The following RAB3GAP2 variants were observed in gnomAD, a reference collection of about 807,000 sequenced individuals.
RAB3GAP2 encodes the protein RAB3 GTPase activating non-catalytic protein subunit 2, also known as rab3 GTPase-activating protein non-catalytic subunit.
A neutral mutation model predicts 185.3 loss-of-function variants in RAB3GAP2; 87 were observed. The observed-to-expected ratio is 0.47, with a 90% CI of 0.39 to 0.56. The LOEUF (loss-of-function observed/expected upper bound fraction) is 0.56, where lower values mean the gene tolerates loss of function less well. RAB3GAP2 is among the 20% of genes least tolerant of loss of function. RAB3GAP2 has a pLI of 0.00. For missense variants in RAB3GAP2, 1,492 were observed against 1,638.2 expected (o/e 0.91, Z 1.54); for synonymous variants, 554 against 576.1 (o/e 0.96, Z 0.55).
intron 1 of RAB3GAP2, among the ~76,000 whole-genome samples, chr1:220,245,475 C>A (rs545448573): frequency 6.6e-6 from 1 of 152,202 alleles, no homozygotes; most frequent in South Asian, 2.1e-4. Context: ...TAAAAAACGG[C>A]GCACCACGAG....
At chr1:220,248,488 T>TA in intron 1 of RAB3GAP2, among the ~76,000 whole-genome samples, 1 of 151,984 alleles carries the variant, frequency 6.6e-6, no homozygotes, top group Non-Finnish European at 1.5e-5. Context: ...TATACTTCAA[T>TA]AAAGCTAGGG....
At chr1:220,262,330 CA>C (rs916746274) in intron 1 of RAB3GAP2, among the ~76,000 whole-genome samples, 1 of 149,964 alleles carries the variant, frequency 6.7e-6, no homozygotes, top group South Asian at 2.1e-4. Context: ...AACAAACAAA[CA>C]AAAAAACATA....
chr1:220,174,288 T>C (rs550054754), intron 21 of RAB3GAP2, among the ~76,000 whole-genome samples: 16 of 152,160 alleles, frequency 1.1e-4, no homozygotes, highest in African/African-American at 3.6e-4. Context: ...GCACACTCTT[T>C]AATGCCTTCT....
intron 2 of RAB3GAP2, among the ~76,000 whole-genome samples, chr1:220,230,145 G>A (rs552262362): frequency 2.6e-5 from 4 of 152,244 alleles, no homozygotes; most frequent in African/African-American, 7.2e-5. Flanking sequence ...CCAGGAGGCA[G>A]CAATAATATA....
chr1:220,184,911 G>C (rs1014262669), intron 18 of RAB3GAP2, among the ~76,000 whole-genome samples: 2 of 151,868 alleles, frequency 1.3e-5, no homozygotes, highest in African/African-American at 4.8e-5. Flanking sequence ...AAAAAAAAAG[G>C]TTGAAAAAGA....
At chr1:220,177,297 A>T (rs573137070) in intron 21 of RAB3GAP2, among the ~76,000 whole-genome samples, 2 of 152,240 alleles carry the variant, frequency 1.3e-5, no homozygotes, top group Admixed American at 1.3e-4. Context: ...AGGGAACATG[A>T]AAGTCAGTCA....
In RAB3GAP2 at chr1:220,157,799, T is replaced by C; in HGVS notation, c.3336+3A>G. ...TTCAGAATGAAAAATACACCTCTTT[T>C]ACCTCCATTAAGATCTGAAGAAGAT... is the stretch of plus-strand genomic sequence containing the variant. On this transcript the variant is annotated splice_donor_region_variant and intron_variant, in intron 30 of 34. Transcript: ENST00000358951. The C allele has an allele frequency of 6.2e-7, 1 of 1,605,588 alleles. No individual in the cohort carries two copies. Among genetic ancestry groups the C allele is most frequent in the Non-Finnish European group, 8.5e-7 (1 of 1,172,336 alleles).
intron 31 of RAB3GAP2, among the ~76,000 whole-genome samples, chr1:220,155,484 C>G (rs575193662): frequency 1.3e-5 from 2 of 152,304 alleles, no homozygotes; most frequent in South Asian, 4.1e-4. Context: ...ATCTGTTACT[C>G]GATAGTTCCC....
chr1:220,236,875 T>A (rs980715207), intron 1 of RAB3GAP2, among the ~76,000 whole-genome samples: 2 of 152,196 alleles, frequency 1.3e-5, no homozygotes, highest in Non-Finnish European at 2.9e-5. Flanking sequence ...ATGTTCAACA[T>A]AACTTTGAGA....
intron 8 of RAB3GAP2, among the ~76,000 whole-genome samples, chr1:220,204,219 T>C (rs1658915171): frequency 6.6e-6 from 1 of 152,180 alleles, no homozygotes; most frequent in Non-Finnish European, 1.5e-5. Flanking sequence ...GTTGGTATGA[T>C]TGGCAAAAAT....
At chr1:220,220,081 C>A (rs1051101742) in intron 2 of RAB3GAP2, among the ~76,000 whole-genome samples, 2 of 152,176 alleles carry the variant, frequency 1.3e-5, no homozygotes, top group African/African-American at 2.4e-5. Context: ...ATTTCCCAAG[C>A]CACGCCTGAA....
chr1:220,252,158 A>G (rs1301069887), intron 1 of RAB3GAP2, among the ~76,000 whole-genome samples: 3 of 151,084 alleles, frequency 2.0e-5, no homozygotes, highest in Non-Finnish European at 4.4e-5. Context: ...AAAAGAAAAA[A>G]AAAAAAAAAA....
At chr1:220,208,881 T>TA (rs1466464429) in intron 7 of RAB3GAP2, among the ~76,000 whole-genome samples, 2 of 152,216 alleles carry the variant, frequency 1.3e-5, no homozygotes, top group African/African-American at 4.8e-5. Flanking sequence ...CATGCCCGGC[T>TA]AATTTTTTGT....
intron 1 of RAB3GAP2, among the ~76,000 whole-genome samples, chr1:220,265,822 G>T (rs971971960): frequency 2.6e-5 from 4 of 152,038 alleles, no homozygotes; most frequent in African/African-American, 9.7e-5. Context: ...CAACACAGGA[G>T]ACTGAGGTGG....
At chr1:220,214,795 T>G (rs1442222398) in intron 2 of RAB3GAP2, among the ~76,000 whole-genome samples, 2 of 151,514 alleles carry the variant, frequency 1.3e-5, no homozygotes, top group African/African-American at 2.4e-5. Flanking sequence ...TATAAAAAGG[T>G]GTTCTTTGAA....
At chr1:220,237,681 T>C (rs1006354209) in intron 1 of RAB3GAP2, among the ~76,000 whole-genome samples, 4 of 152,218 alleles carry the variant, frequency 2.6e-5, no homozygotes, top group African/African-American at 9.6e-5. Context: ...GGTGCATGCA[T>C]GGATCACCTA....
intron 1 of RAB3GAP2, among the ~76,000 whole-genome samples, chr1:220,262,395 C>T (rs748698804): frequency 2.0e-5 from 3 of 152,140 alleles, no homozygotes; most frequent in African/African-American, 7.2e-5. Context: ...GTTAAGTGTA[C>T]TCACACTGTT....
chr1:220,212,643 G>A (rs550364747), intron 4 of RAB3GAP2, among the ~76,000 whole-genome samples: 64 of 152,056 alleles, frequency 4.2e-4, no homozygotes, highest in African/African-American at 1.1e-3. Flanking sequence ...ACAGGTGTGC[G>A]CATCACATCC....
At chr1:220,212,684 A>T (rs1217124325) in intron 4 of RAB3GAP2, among the ~76,000 whole-genome samples, 2 of 152,186 alleles carry the variant, frequency 1.3e-5, no homozygotes, top group East Asian at 1.9e-4. Context: ...GTAAAGACAG[A>T]GTCTTACTAT....
Sources: allele counts gnomAD v4.1 joint callset (sites outside exome capture counted in the v4.1 genomes callset), GRCh38; gene constraint gnomAD v4.1.1; transcripts MANE v1.5; gene names NCBI Gene and HGNC (gene_info 2026-07-23, HGNC 2026-07-21).